Variants in IL20RB observed in about 807,000 individuals in gnomAD.
IL20RB encodes interleukin 20 receptor subunit beta, also known as interleukin-20 receptor subunit beta.
Under a neutral mutation model 33.3 loss-of-function variants are expected in IL20RB, and 21 were observed. The observed-to-expected ratio is 0.63, with a 90% CI of 0.45 to 0.91. The LOEUF is 0.91. Among genes scored for constraint, IL20RB ranks in the 40% least tolerant of loss-of-function variants. The probability of loss-of-function intolerance (pLI) is 0.00; values close to 1 mark genes in which losing one functional copy is unlikely to be tolerated. For synonymous variants in IL20RB, 147 were observed against 146.8 expected (o/e 1.00, Z -0.01); for missense variants, 345 against 384.8 (o/e 0.90, Z 0.86).
In IL20RB at chr3:136,974,099, AT is replaced by A. The variant is rs551403023; in HGVS notation, c.89-6359del. 1.6e-3 allele frequency among the ~76,000 whole-genome samples: 244 copies of A among 151,004 alleles called. 3 individuals are homozygous for A. The highest frequency in any genetic ancestry group is 2.9e-3 in the Non-Finnish European group (198 of 67,600). On this transcript the variant is annotated intron_variant, in intron 1 of 6. Coordinates refer to ENST00000329582, the MANE Select transcript of IL20RB (RefSeq NM_144717.4). ...GAGGTTTTTTCCTGTCATATTGTTA[AT>A]TTTTTTTCTGTTTGTTTTACATATT...
At chr3:136,981,171 T>C (rs1941763472) in intron 2 of IL20RB, among the ~76,000 whole-genome samples, 1 of 152,180 alleles carries the variant, frequency 6.6e-6, no homozygotes. Flanking sequence ...TTCTGGATTT[T>C]GAGAGCTTAC....
intron 6 of IL20RB, among the ~76,000 whole-genome samples, chr3:137,002,595 A>G (rs1942267838): frequency 6.6e-6 from 1 of 150,836 alleles, no homozygotes; most frequent in African/African-American, 2.4e-5. Flanking sequence ...GTCTGTTCAT[A>G]TCCTTTGCCC....
intron 3 of IL20RB, among the ~76,000 whole-genome samples, chr3:136,984,492 C>T (rs554170069): frequency 7.2e-4 from 110 of 151,980 alleles, no homozygotes; most frequent in Admixed American, 7.2e-4. Context: ...TCTCTGTTTT[C>T]GTGATGTGGC....
At chr3:136,997,265 G>T (rs1942149424) in intron 6 of IL20RB, among the ~76,000 whole-genome samples, 1 of 151,918 alleles carries the variant, frequency 6.6e-6, no homozygotes, top group Middle Eastern at 3.2e-3. Flanking sequence ...TCTAATTTTT[G>T]TATTTTTAAT....
intron 2 of IL20RB, among the ~76,000 whole-genome samples, chr3:136,981,775 A>G (rs575279437): frequency 4.1e-4 from 63 of 152,348 alleles, no homozygotes; most frequent in African/African-American, 1.3e-3. Flanking sequence ...ATCCCATTCT[A>G]AGTCCTGTAG....
chr3:136,999,134 C>T (rs543284496), intron 6 of IL20RB, among the ~76,000 whole-genome samples: 1 of 151,970 alleles, frequency 6.6e-6, no homozygotes, highest in Non-Finnish European at 1.5e-5. Context: ...TCTCACTCTG[C>T]CACTCAGGCT....
chr3:136,958,677 A>G (rs1941111762), intron 1 of IL20RB, among the ~76,000 whole-genome samples: 1 of 152,162 alleles, frequency 6.6e-6, no homozygotes, highest in Non-Finnish European at 1.5e-5. Flanking sequence ...AAGAAAAGGT[A>G]CTCCATAGCA....
chr3:136,999,218 T>C (rs1942193717), intron 6 of IL20RB, among the ~76,000 whole-genome samples: 1 of 152,100 alleles, frequency 6.6e-6, no homozygotes, highest in African/African-American at 2.4e-5. Flanking sequence ...CACTTCAGCC[T>C]CTTGAGTAGT....
intron 1 of IL20RB, among the ~76,000 whole-genome samples, chr3:136,971,437 A>G (rs747806735): frequency 2.0e-5 from 3 of 152,094 alleles, no homozygotes; most frequent in Non-Finnish European, 2.9e-5. Flanking sequence ...GGCCACTTCT[A>G]TCTAACTGTA....
chr3:136,982,178 C>T lies in IL20RB; in HGVS notation c.234C>T (p.Tyr78=). 1.9e-6 allele frequency: 3 copies of T among 1,589,152 alleles called. No homozygotes were observed. The highest frequency in any genetic ancestry group is 1.1e-5 in the South Asian group (1 of 89,326). Residue 78 remains tyrosine (Y), a synonymous_variant, in exon 3 of 7, where the codon TAC becomes TAT. Coordinates refer to ENST00000329582, the MANE Select transcript of IL20RB (RefSeq NM_144717.4). ...VEYQGEYESL[Y]TSHIWIPSSW... ...TTGACAGGGAGTACGAGAGCCTGTA[C>T]ACGAGCCACATCTGGATCCCCAGCA...
intron 1 of IL20RB, among the ~76,000 whole-genome samples, chr3:136,977,628 C>T (rs1057003896): frequency 2.6e-5 from 4 of 152,106 alleles, no homozygotes; most frequent in South Asian, 2.1e-4. Flanking sequence ...TGGGTTCAAG[C>T]GATTCTCCTG....
intron 6 of IL20RB, among the ~76,000 whole-genome samples, chr3:136,999,560 T>A (rs1577031833): frequency 6.6e-6 from 1 of 150,976 alleles, no homozygotes; most frequent in South Asian, 2.1e-4. Flanking sequence ...TTCAGGTATT[T>A]TTTTTTTTTT....
chr3:136,987,647 C>T (rs1025620242), intron 3 of IL20RB, among the ~76,000 whole-genome samples: 1 of 152,156 alleles, frequency 6.6e-6, no homozygotes, highest in Non-Finnish European at 1.5e-5. Flanking sequence ...GGGTGGCGCT[C>T]ATCGGGGAGG....
chr3:136,963,683 T>A (rs529240617), intron 1 of IL20RB, among the ~76,000 whole-genome samples: 3 of 94,788 alleles, frequency 3.2e-5, no homozygotes, highest in Non-Finnish European at 6.3e-5. Flanking sequence ...AGTTCTTTTT[T>A]TTTTTTTTTA....
At chr3:137,006,540 T>C (rs1942353737) in intron 6 of IL20RB, among the ~76,000 whole-genome samples, 1 of 152,208 alleles carries the variant, frequency 6.6e-6, no homozygotes, top group African/African-American at 2.4e-5. Context: ...ACTGATATCC[T>C]TTCTTCCACT....
chr3:136,982,060 T>A, intron 2 of IL20RB, 100 bp from the exon 3 acceptor site: 1 of 762,542 alleles, frequency 1.3e-6, no homozygotes, highest in Non-Finnish European at 2.1e-6. Flanking sequence ...TTATTTTACT[T>A]ACCTGTACAA....
intron 4 of IL20RB, 60 bp downstream of exon 4, chr3:136,989,625 G>A: frequency 1.9e-6 from 3 of 1,595,806 alleles, no homozygotes; most frequent in Non-Finnish European, 2.6e-6. Flanking sequence ...AGATTTCTGA[G>A]GGTGAGCAAG....
intron 6 of IL20RB, among the ~76,000 whole-genome samples, chr3:137,009,037 C>T (rs542116248): frequency 6.6e-6 from 1 of 152,282 alleles, no homozygotes; most frequent in South Asian, 2.1e-4. Flanking sequence ...ACACTAACAC[C>T]CCCGCTTAGT....
chr3:136,986,500 G>A (rs1461565587), intron 3 of IL20RB, among the ~76,000 whole-genome samples: 1 of 152,144 alleles, frequency 6.6e-6, no homozygotes, highest in Admixed American at 6.5e-5. Context: ...CCTTCTGAAG[G>A]TGTTTCAGAG....
Sources: gnomAD v4.1 joint callset for allele counts (sites outside exome capture counted in the v4.1 genomes callset) on GRCh38, gnomAD v4.1.1 for gene constraint, MANE v1.5 for transcripts, NCBI Gene and HGNC (gene_info 2026-07-23, HGNC 2026-07-21) for gene names.